HS6ST3: variants seen among roughly 807,000 people sequenced by gnomAD.
HS6ST3 encodes the protein heparan sulfate 6-O-sulfotransferase 3, also known as heparan-sulfate 6-O-sulfotransferase 3.
A neutral mutation model predicts 36.7 loss-of-function variants in HS6ST3; 12 were observed. The ratio of observed to expected loss-of-function variants is 0.33; its 90% CI spans 0.21 to 0.53. HS6ST3 has a LOEUF of 0.53. Among genes scored for constraint, HS6ST3 ranks in the 20% least tolerant of loss-of-function variants. The pLI is 0.95. For missense variants in HS6ST3, 584 were observed against 640.9 expected, an observed-to-expected ratio of 0.91 and a Z score of 0.96; for synonymous variants, 240 against 257.5, an observed-to-expected ratio of 0.93 and a Z score of 0.65.
chr13:96,223,202 A>G (rs565947206), intron 1 of HS6ST3, among the ~76,000 whole-genome samples: 1 of 152,332 alleles, frequency 6.6e-6, no homozygotes, highest in East Asian at 1.9e-4. Flanking sequence ...GAGGACAAGA[A>G]TGGGAGAAAT....
At chr13:96,154,795 A>C (rs2054102845) in intron 1 of HS6ST3, among the ~76,000 whole-genome samples, 1 of 152,140 alleles carries the variant, frequency 6.6e-6, no homozygotes, top group African/African-American at 2.4e-5. Context: ...GTCAGGATCT[A>C]GTGACATTGA....
intron 1 of HS6ST3, among the ~76,000 whole-genome samples, chr13:96,682,991 A>G (rs2056723440): frequency 6.6e-6 from 1 of 152,092 alleles, no homozygotes; most frequent in African/African-American, 2.4e-5. Context: ...GCAACAACTT[A>G]CCTGCATTGA....
chr13:96,716,595 AT>A (rs1875701322), intron 1 of HS6ST3, among the ~76,000 whole-genome samples: 1 of 152,086 alleles, frequency 6.6e-6, no homozygotes, highest in African/African-American at 2.4e-5. Context: ...TTTATGATCT[AT>A]TATCTATGAT....
chr13:96,692,829 A>G (rs950073337), intron 1 of HS6ST3, among the ~76,000 whole-genome samples: 2 of 152,170 alleles, frequency 1.3e-5, no homozygotes, highest in African/African-American at 4.8e-5. Flanking sequence ...ATTCAAATCC[A>G]ATTGCTACTA....
At chr13:96,149,602 T>A (rs2054074853) in intron 1 of HS6ST3, among the ~76,000 whole-genome samples, 1 of 152,216 alleles carries the variant, frequency 6.6e-6, no homozygotes, top group Admixed American at 6.5e-5. Context: ...CATCATCTTA[T>A]TTTTAAAAAG....
At chr13:96,590,944 A>G (rs2056379898) in intron 1 of HS6ST3, among the ~76,000 whole-genome samples, 1 of 151,932 alleles carries the variant, frequency 6.6e-6, no homozygotes, top group Non-Finnish European at 1.5e-5. Context: ...TATTGAAGAG[A>G]CTGTCTTTTC....
At chr13:96,784,915 C>T (rs564793489) in intron 1 of HS6ST3, among the ~76,000 whole-genome samples, 9 of 152,310 alleles carry the variant, frequency 5.9e-5, no homozygotes, top group Non-Finnish European at 8.8e-5. Flanking sequence ...CTCCTGCGAT[C>T]CCAGCACTTT....
chr13:96,116,419 C>T (rs2053894602), intron 1 of HS6ST3, among the ~76,000 whole-genome samples: 2 of 152,082 alleles, frequency 1.3e-5, no homozygotes, highest in African/African-American at 4.8e-5. Context: ...TGATGATGTA[C>T]ACATGTGGTC....
chr13:96,240,636 T>A (rs2139372331), intron 1 of HS6ST3, among the ~76,000 whole-genome samples: 1 of 152,084 alleles, frequency 6.6e-6, no homozygotes, highest in South Asian at 2.1e-4. Flanking sequence ...GGTGAGAGAT[T>A]GGAGTGTAGA....
intron 1 of HS6ST3, among the ~76,000 whole-genome samples, chr13:96,630,010 G>A (rs1176835552): frequency 1.3e-5 from 2 of 151,868 alleles, no homozygotes; most frequent in East Asian, 3.9e-4. Flanking sequence ...CTTCAGCTCT[G>A]TTGAATTTAC....
intron 1 of HS6ST3, among the ~76,000 whole-genome samples, chr13:96,101,602 TGA>T (rs753792755): frequency 4.5e-4 from 68 of 152,112 alleles, no homozygotes; most frequent in Non-Finnish European, 8.5e-4. Flanking sequence ...GCTTGAATTC[TGA>T]GAGTCAAAAT....
At chr13:96,523,925 G>A (rs1208162642) in intron 1 of HS6ST3, among the ~76,000 whole-genome samples, 1 of 152,162 alleles carries the variant, frequency 6.6e-6, no homozygotes, top group Non-Finnish European at 1.5e-5. Flanking sequence ...TGTTCCTTTG[G>A]AGGTGAGGAG....
chr13:96,352,629 A>G (rs1188916505), intron 1 of HS6ST3, among the ~76,000 whole-genome samples: 1 of 152,196 alleles, frequency 6.6e-6, no homozygotes, highest in Non-Finnish European at 1.5e-5. Flanking sequence ...GCCCAAGGAC[A>G]TGACTTCTAG....
At chr13:96,416,958 G>A (rs556398660) in intron 1 of HS6ST3, among the ~76,000 whole-genome samples, 55 of 152,126 alleles carry the variant, frequency 3.6e-4, no homozygotes, top group Admixed American at 6.5e-4. Context: ...CACCATGTTA[G>A]CCAGGATGGT....
intron 1 of HS6ST3, among the ~76,000 whole-genome samples, chr13:96,150,359 T>C (rs1237762017): frequency 6.6e-6 from 1 of 152,050 alleles, no homozygotes; most frequent in Admixed American, 6.5e-5. Flanking sequence ...AAGCCAGGGA[T>C]AGAAGTTCTC....
chr13:96,323,889 C>G (rs2139416426), intron 1 of HS6ST3, among the ~76,000 whole-genome samples: 1 of 152,248 alleles, frequency 6.6e-6, no homozygotes, highest in East Asian at 1.9e-4. Flanking sequence ...CGTTCAGTGC[C>G]AAGAACAGTG....
intron 1 of HS6ST3, among the ~76,000 whole-genome samples, chr13:96,453,221 G>C (rs2055738498): frequency 6.6e-6 from 1 of 151,424 alleles, no homozygotes; most frequent in African/African-American, 2.4e-5. Context: ...GAGAGTACGA[G>C]TACATTCTTG....
chr13:96,637,481 T>C (rs546399), intron 1 of HS6ST3, among the ~76,000 whole-genome samples: 150,755 of 152,176 alleles, frequency 0.99, 74,686 homozygotes, highest in Middle Eastern at 1. Flanking sequence ...ATGGGGATAC[T>C]TCAAAAGCTT....
Position 96,235,717 on chromosome 13 carries a change from G to A in HS6ST3, c.707+144148G>A, listed in dbSNP as rs554394675. On this transcript the variant is annotated intron_variant, in intron 1 of 1. Transcript: ENST00000376705. ...CTCCAAATCCTAGTTGTCATCTACTGATCTCCTGGTCATCCCTCTTCGTTA... is the reference window on the plus strand; with the variant it reads ...CTCCAAATCCTAGTTGTCATCTACTAATCTCCTGGTCATCCCTCTTCGTTA... Among the ~76,000 whole-genome samples, 23 of 152,078 alleles carry A rather than the reference G, an allele frequency of 1.5e-4. 1 individual carries two copies. In the South Asian group the frequency reaches 4.8e-3, roughly 32 times the overall value.
Sources: allele counts gnomAD v4.1 joint callset (sites outside exome capture counted in the v4.1 genomes callset), GRCh38; gene constraint gnomAD v4.1.1; transcripts MANE v1.5; gene names NCBI Gene and HGNC (gene_info 2026-07-23, HGNC 2026-07-21).